LRP2: variants seen among roughly 807,000 people sequenced by gnomAD.
LRP2 encodes low-density lipoprotein receptor-related protein 2.
A neutral mutation model predicts 531.0 loss-of-function variants in LRP2; 172 were observed. That is an observed-to-expected ratio of 0.32 (90% CI 0.29 to 0.37). The LOEUF is 0.37. Among genes scored for constraint, LRP2 ranks in the 10% least tolerant of loss-of-function variants. The pLI, the probability that LRP2 is intolerant of heterozygous loss-of-function variation, is 1.00. For missense variants in LRP2, 5,167 were observed against 5,868.3 expected (o/e 0.88, Z 3.90); for synonymous variants, 1,992 against 2,027.6 (o/e 0.98, Z 0.47).
In LRP2 at chr2:169,238,303, C is replaced by G. The variant is rs1372130092; in HGVS notation, c.4295-1G>C. ...ACAAGTAACAGCAGACTCTCAGATG[C>G]TGTTCAAGAAAAAAATGCAAAAATG... On this transcript the variant is annotated splice_acceptor_variant, in intron 26 of 78. Coordinates refer to ENST00000649046, the MANE Select transcript of LRP2 (RefSeq NM_004525.3). LOFTEE classifies it high-confidence loss of function. 1 of 1,612,358 alleles carries G rather than the reference C, an allele frequency of 6.2e-7. No homozygotes were observed. Among genetic ancestry groups the G allele is most frequent in the Non-Finnish European group, 8.5e-7 (1 of 1,178,540 alleles).
At chr2:169,172,789 AC>A (rs1558994300) in intron 57 of LRP2, among the ~76,000 whole-genome samples, 1 of 152,226 alleles carries the variant, frequency 6.6e-6, no homozygotes, top group Non-Finnish European at 1.5e-5. Flanking sequence ...AATTAGAGAA[AC>A]AATTTAAACT....
chr2:169,168,612 A>G lies in LRP2; in HGVS notation c.11562T>C (p.Cys3854=). The change falls in exon 61 of 79, where the codon TGT becomes TGC. Residue 3854 remains cysteine (C), a synonymous_variant. Transcript: ENST00000649046. The part of the protein sequence containing the change: ...ATMFECKNHV[C]IPPYWKCDGD... ...CATCACATTTCCAATATGGCGGGAT[A>G]CAAACATGGTTTTTGCATTCGAACA... The G allele has an allele frequency of 1.2e-6, 2 of 1,614,138 alleles. No homozygotes were observed. The highest frequency in any genetic ancestry group is 3.3e-4 in the Middle Eastern group (2 of 6,062).
intron 59 of LRP2, 103 bp from the exon 60 acceptor site, chr2:169,169,921 C>A (rs1686934128): frequency 1.2e-6 from 1 of 808,598 alleles, no homozygotes; most frequent in Admixed American, 1.8e-5. Context: ...TATCTACACC[C>A]TGTGACTGGC....
intron 68 of LRP2, 150 bp from the exon 69 acceptor site, chr2:169,147,109 G>A (rs1286921017): frequency 7.2e-6 from 5 of 690,230 alleles, no homozygotes; most frequent in Admixed American, 6.8e-5. Flanking sequence ...TACAGAAGAT[G>A]GGGAGCAAAA....
In LRP2 at chr2:169,201,889, T is replaced by C. The variant is rs1332012593; in HGVS notation, c.8210-19A>G. 9 of 1,613,894 alleles carry C rather than the reference T, an allele frequency of 5.6e-6. No homozygotes were observed. In the South Asian group the frequency reaches 9.9e-5, roughly 18 times the overall value. On this transcript the variant is annotated intron_variant, in intron 43 of 78. Coordinates refer to ENST00000649046, the MANE Select transcript of LRP2 (RefSeq NM_004525.3). ...TGAAGTGCTAAGAACAGGAAAAACA[T>C]GAGAACAAACCCTCTTGATTAAAAC... is the stretch of plus-strand genomic sequence containing the variant.
intron 3 of LRP2, among the ~76,000 whole-genome samples, chr2:169,310,932 G>T (rs1030393619): frequency 6.6e-6 from 1 of 152,044 alleles, no homozygotes; most frequent in African/African-American, 2.4e-5. Flanking sequence ...AGTCTTGGGA[G>T]GGCGTATGTG....
At chr2:169,333,033 G>T (rs1391645139) in intron 1 of LRP2, among the ~76,000 whole-genome samples, 1 of 152,164 alleles carries the variant, frequency 6.6e-6, no homozygotes, top group African/African-American at 2.4e-5. Flanking sequence ...ATATTGTGCA[G>T]CAAGAGTGCC....
rs1251019823 is a variant in LRP2 at position 169,241,371 on chromosome 2, A to T, written c.3668-6T>A. On this transcript the variant is annotated splice_polypyrimidine_tract_variant and splice_region_variant and intron_variant, in intron 24 of 78. Transcript: ENST00000649046. ...CATACCAGGAGGCCTGGTTGCTAGA[A>T]GGAAAACATGGGGTAAATCGGCTTG... 1 of 1,614,000 alleles carries T rather than the reference A, an allele frequency of 6.2e-7. No individual in the cohort carries two copies. Among genetic ancestry groups the T allele is most frequent in the Non-Finnish European group, 8.5e-7 (1 of 1,180,042 alleles).
chr2:169,176,758 T>C (rs12999602), intron 53 of LRP2, among the ~76,000 whole-genome samples, 170 bp from the exon 54 acceptor site: 1 of 152,208 alleles, frequency 6.6e-6, no homozygotes, highest in South Asian at 2.1e-4. Context: ...GATAGAGTTA[T>C]ACAAGCAACA....
In LRP2 at chr2:169,328,441, TAAAAAAA is replaced by T. The variant is rs537210492; in HGVS notation, c.80-7564_80-7558del. ...ACAGCTCATTGAGAACGGGCCGGGA[TAAAAAAA>T]AAAAAAAAAAAAAAAAGAAAAAAAA... On this transcript the variant is annotated intron_variant, in intron 1 of 78. Transcript: ENST00000649046. 8.4e-3 allele frequency among the ~76,000 whole-genome samples: 412 copies of T among 49,120 alleles called. 2 individuals are homozygous for T. The highest frequency in any genetic ancestry group is 0.022 in the African/African-American group (299 of 13,458). 32.2% of individuals were successfully genotyped at this position (49,120 alleles called of 152,430 possible).
rs1309130726 is a variant in LRP2, at chr2:169,175,406, C to T, written c.10572-17G>A. 1 of 1,612,566 alleles carries T rather than the reference C, an allele frequency of 6.2e-7. No individual in the cohort carries two copies. Among genetic ancestry groups the T allele is most frequent in the East Asian group, 2.2e-5 (1 of 44,886 alleles). ...GGAATGCACCTGCACAGAGAACATA[C>T]AGCACTTCTTTAGCAAAGCACCAGG... On this transcript the variant is annotated splice_polypyrimidine_tract_variant and intron_variant, in intron 54 of 78. Coordinates refer to ENST00000649046, the MANE Select transcript of LRP2 (RefSeq NM_004525.3).
chr2:169,313,547 T>C (rs997561382), intron 3 of LRP2, among the ~76,000 whole-genome samples: 5 of 152,190 alleles, frequency 3.3e-5, no homozygotes, highest in African/African-American at 4.8e-5. Context: ...ACAGCAAATG[T>C]TACTTCCTGA....
chr2:169,263,423 A>C (rs1408638562), intron 16 of LRP2, among the ~76,000 whole-genome samples: 6 of 151,524 alleles, frequency 4.0e-5, no homozygotes, highest in Non-Finnish European at 7.4e-5. Context: ...ACCCCATCAA[A>C]AAGTGGGCAA....
rs1230451637 is a variant in LRP2 at position 169,309,828 on chromosome 2, C to T, written c.311-2431G>A. On this transcript the variant is annotated intron_variant, in intron 3 of 78. Coordinates refer to ENST00000649046, the MANE Select transcript of LRP2 (RefSeq NM_004525.3). ...ATTACCTTGGGCAGTATGGCCATTT[C>T]CATGATATTGATTCTTCCTATCCAT... 1.3e-5 allele frequency among the ~76,000 whole-genome samples: 2 copies of T among 152,124 alleles called. 1 individual carries two copies. The highest frequency in any genetic ancestry group is 1.3e-4 in the Admixed American group (2 of 15,258).
In LRP2 at chr2:169,207,263, T is replaced by C. The variant is rs1688429308; in HGVS notation, c.6470-13A>G. 14 of 1,582,738 alleles carry C rather than the reference T, an allele frequency of 8.8e-6. No homozygotes were observed. Among genetic ancestry groups the C allele is most frequent in the Non-Finnish European group, 1.2e-5 (14 of 1,151,726 alleles). On this transcript the variant is annotated splice_polypyrimidine_tract_variant and intron_variant, in intron 38 of 78. Coordinates refer to ENST00000649046, the MANE Select transcript of LRP2 (RefSeq NM_004525.3). ...AAATAAAGATTTCCTATGGGAAAAA[T>C]GAAAGTGCATGCTGATCAATGGAGA... is the stretch of plus-strand genomic sequence containing the variant.
intron 62 of LRP2, among the ~76,000 whole-genome samples, chr2:169,164,934 T>G (rs1686729692): frequency 6.6e-6 from 1 of 152,234 alleles, no homozygotes; most frequent in Non-Finnish European, 1.5e-5. Flanking sequence ...GCTCAAATTC[T>G]TTAAAAATAT....
At chr2:169,299,064 A>G (rs1684203804) in intron 4 of LRP2, among the ~76,000 whole-genome samples, 2 of 136,384 alleles carry the variant, frequency 1.5e-5, no homozygotes, top group Non-Finnish European at 3.2e-5. Flanking sequence ...AAGAAGAAAG[A>G]AAGAAGGAAA....
Position 169,294,705 on chromosome 2 carries a change from G to T in LRP2, c.433C>A (p.Pro145Thr). Residue 145 changes from proline to threonine, a missense_variant, in exon 5 of 79, where the codon CCA (proline) becomes ACA (threonine). By Grantham distance (38) the Pro-to-Thr change is conservative. Transcript: ENST00000649046. ...DGADENDCQY[P>T]TCEQLTCDNG... Reference sequence around the variant, plus strand: ...TCACAAGTAAGCTGCTCACATGTTGGGTACTCTATTGTAAAAAAAAAAAAA... The same window carrying T: ...TCACAAGTAAGCTGCTCACATGTTGTGTACTCTATTGTAAAAAAAAAAAAA... 2.7e-6 allele frequency: 3 copies of T among 1,094,184 alleles called. No individual in the cohort carries two copies. The highest frequency in any genetic ancestry group is 4.1e-6 in the Non-Finnish European group (3 of 733,078). The allele number at this position is 1,094,184 out of a possible 1,614,324, so 67.8% of individuals were successfully genotyped here. A position where few individuals can be genotyped will look rare whatever the true frequency, so the allele number is the denominator to read the frequency against.
intron 10 of LRP2, among the ~76,000 whole-genome samples, chr2:169,282,386 C>T (rs831008): frequency 0.84 from 127,859 of 152,232 alleles, 53,790 homozygotes; most frequent in East Asian, 0.91. Flanking sequence ...TACTCTTACA[C>T]TGATTCCAAC....
Sources: gnomAD v4.1 joint callset for allele counts (sites outside exome capture counted in the v4.1 genomes callset) on GRCh38, gnomAD v4.1.1 for gene constraint, MANE v1.5 for transcripts, NCBI Gene and HGNC (gene_info 2026-07-23, HGNC 2026-07-21) for gene names.